TMEM259: variants seen among roughly 807,000 people sequenced by gnomAD.
TMEM259 encodes transmembrane protein 259.
In TMEM259, 26 loss-of-function variants were observed where a neutral mutation model predicts 46.7. The ratio of observed to expected loss-of-function variants is 0.56; its 90% CI spans 0.41 to 0.77. The LOEUF (loss-of-function observed/expected upper bound fraction) is 0.77. Ranked by LOEUF, TMEM259 falls within the 30% of genes least tolerant of loss-of-function variation. The pLI is 0.00. For missense variants in TMEM259, 930 were observed against 900.5 expected (o/e 1.03, Z -0.42); for synonymous variants, 494 against 395.1 (o/e 1.25, Z -2.97).
Position 1,010,791 on chromosome 19 carries a change from G to A in TMEM259, c.1422C>T (p.Thr474=), listed in dbSNP as rs1023696312. Residue 474 remains threonine, a synonymous_variant, in exon 11 of 11, where the codon ACC becomes ACT. Coordinates refer to ENST00000356663, the MANE Select transcript of TMEM259 (RefSeq NM_001033026.2). ...LLQAPPLGPG[T]PTALPDDMNN... ...TCATGTCATCGGGCAGCGCCGTGGG[G>A]GTCCCGGGGCCCAGTGGCGGCGCCT... 5.1e-6 allele frequency: 8 copies of A among 1,569,002 alleles called. No individual in the cohort carries two copies. The highest frequency in any genetic ancestry group is 6.9e-6 in the Non-Finnish European group (8 of 1,166,354).
At chr19:1,014,788 T>C (rs1568405505) in intron 1 of TMEM259, among the ~76,000 whole-genome samples, 1 of 152,130 alleles carries the variant, frequency 6.6e-6, no homozygotes, top group Non-Finnish European at 1.5e-5. Context: ...GCCCCGCACC[T>C]CCTCAGGGGT....
intron 8 of TMEM259, 37 bp from the exon 9 acceptor site, chr19:1,011,536 G>T (rs1478031172): frequency 6.5e-7 from 1 of 1,542,690 alleles, no homozygotes; most frequent in Non-Finnish European, 8.7e-7. Context: ...AGCGGGCGGG[G>T]CGGGGTGCAG....
intron 9 of TMEM259, 31 bp downstream of exon 9, chr19:1,011,336 C>T: frequency 3.2e-6 from 5 of 1,557,074 alleles, no homozygotes; most frequent in African/African-American, 1.4e-5. Context: ...CCACCAGCAC[C>T]CACTCCACCC....
At chr19:1,017,639 A>T (rs908008930) in intron 1 of TMEM259, among the ~76,000 whole-genome samples, 1 of 151,990 alleles carries the variant, frequency 6.6e-6, no homozygotes, top group African/African-American at 2.4e-5. Flanking sequence ...AGCTTCCTGG[A>T]TGTTCTGGCC....
Position 1,013,233 on chromosome 19 carries a change from TG to T in TMEM259, c.607+7del. On this transcript the variant is annotated splice_region_variant and intron_variant, in intron 3 of 10. Transcript: ENST00000356663. ...CGTGAGGCAGTACACCTTTGGTGGG[TG>T]GCCTACCTTTGGTGGGCGTCTCGGG... is the stretch of plus-strand genomic sequence containing the variant. 2 of 1,611,714 alleles carry T rather than the reference TG, an allele frequency of 1.2e-6. No homozygotes were observed. The highest frequency in any genetic ancestry group is 1.7e-6 in the Non-Finnish European group (2 of 1,178,080).
chr19:1,016,867 G>A (rs546747978), intron 1 of TMEM259, among the ~76,000 whole-genome samples: 9 of 152,252 alleles, frequency 5.9e-5, no homozygotes, highest in South Asian at 2.1e-4. Context: ...TGAAGACAGC[G>A]GACGTGATGA....
In TMEM259 at chr19:1,011,979, A is replaced by G; in HGVS notation, c.855T>C (p.Asn285=). The change falls in exon 6 of 11, where the codon AAT becomes AAC. Residue 285 remains asparagine (N), a synonymous_variant. Coordinates refer to ENST00000356663, the MANE Select transcript of TMEM259 (RefSeq NM_001033026.2). ...AGCGGTAGTGCTCGCCCGACACCAC[A>G]TTCCGCAGGAAGCCTGCAGCAGAAG... The part of the protein sequence containing the change: ...ENEENKGFLR[N]VVSGEHYRFV... 1.9e-6 allele frequency: 3 copies of G among 1,611,858 alleles called. No individual in the cohort carries two copies. The highest frequency in any genetic ancestry group is 2.5e-6 in the Non-Finnish European group (3 of 1,179,488).
intron 3 of TMEM259, 144 bp downstream of exon 3, chr19:1,013,097 G>A: frequency 1.5e-6 from 1 of 688,046 alleles, no homozygotes; most frequent in South Asian, 1.8e-5. Flanking sequence ...TGACAGATGG[G>A]GAAATCGAGG....
intron 4 of TMEM259, 70 bp downstream of exon 4, chr19:1,012,393 C>G: frequency 1.3e-6 from 2 of 1,526,278 alleles, no homozygotes; most frequent in Non-Finnish European, 1.8e-6. Context: ...CCCGCACCAG[C>G]AGGAGGAGAC....
At chr19:1,017,902 G>A (rs1048080536) in intron 1 of TMEM259, among the ~76,000 whole-genome samples, 1 of 152,134 alleles carries the variant, frequency 6.6e-6, no homozygotes, top group Non-Finnish European at 1.5e-5. Context: ...CCAGGCCACC[G>A]GGGCCTCTCC....
In TMEM259 at chr19:1,010,358, C is replaced by CCACCTCCGAGGG; in HGVS notation, c.1843_1854dup (p.Pro615_Val618dup). 6.7e-7 allele frequency: 1 copy of CCACCTCCGAGGG among 1,490,704 alleles called. No individual in the cohort carries two copies. 92.3% of individuals were successfully genotyped at this position (1,490,704 alleles called of 1,614,324 possible). A position where few individuals can be genotyped will look rare whatever the true frequency, so the allele number is the denominator to read the frequency against. On this transcript the variant is annotated inframe_insertion, in exon 11 of 11. Coordinates refer to ENST00000356663, the MANE Select transcript of TMEM259 (RefSeq NM_001033026.2). ...CGGCTCAGCTGTGCGGCTCAGGACCCCACCTCCGAGGGCGCCTCCGTTGGG... is the reference window on the plus strand; with the variant it reads ...CGGCTCAGCTGTGCGGCTCAGGACCCCACCTCCGAGGGCACCTCCGAGGGCGCCTCCGTTGGG...
At position 1,011,802 on chromosome 19, in the gene TMEM259, C is replaced by T. The variant is rs771093508; in HGVS notation, c.943-4G>A. 5 of 1,582,034 alleles carry T rather than the reference C, an allele frequency of 3.2e-6. No homozygotes were observed. Among genetic ancestry groups the T allele is most frequent in the Non-Finnish European group, 4.3e-6 (5 of 1,163,668 alleles). Reference sequence around the variant, plus strand: ...GCAGCATGGACACGCTCAGCGTCTGCAAGGGGCGCGCAGGAAGCGCTATGA... The same window carrying T: ...GCAGCATGGACACGCTCAGCGTCTGTAAGGGGCGCGCAGGAAGCGCTATGA... On this transcript the variant is annotated splice_polypyrimidine_tract_variant and splice_region_variant and intron_variant, in intron 6 of 10. Coordinates refer to ENST00000356663, the MANE Select transcript of TMEM259 (RefSeq NM_001033026.2).
At position 1,012,148 on chromosome 19, in the gene TMEM259, G is replaced by A. The variant is rs753525081; in HGVS notation, c.759C>T (p.Arg253=). ...AGCCCAGGAACTCATCCAGCAGCAGGCGGCTGAAGCGGTCCCCGAAGCACT... is the reference window on the plus strand; with the variant it reads ...AGCCCAGGAACTCATCCAGCAGCAGACGGCTGAAGCGGTCCCCGAAGCACT... ...RDQCFGDRFS[R]LLLDEFLGYD... The change falls in exon 5 of 11, where the codon CGC becomes CGT. Residue 253 remains arginine (R), a synonymous_variant. Transcript: ENST00000356663. 3 of 1,608,032 alleles carry A rather than the reference G, an allele frequency of 1.9e-6. No homozygotes were observed. The highest frequency in any genetic ancestry group is 2.5e-6 in the Non-Finnish European group (3 of 1,177,794).
At position 1,009,943 on chromosome 19, in the gene TMEM259, G is replaced by A; in HGVS notation, c.*407C>T. 1 of 321,986 alleles carries A rather than the reference G, an allele frequency of 3.1e-6. No homozygotes were observed. The highest frequency in any genetic ancestry group is 5.7e-6 in the Non-Finnish European group (1 of 176,464). The allele number at this position is 321,986 out of a possible 1,614,324, so 19.9% of individuals were successfully genotyped here. A position where few individuals can be genotyped will look rare whatever the true frequency, so the allele number is the denominator to read the frequency against. On this transcript the variant is annotated 3_prime_UTR_variant, in exon 11 of 11. Transcript: ENST00000356663. ...GAGAAGGCACTGCAGGGAGCACCAG[G>A]CAGAGCCGGGCTGAGGCCGGCCGGC... is the stretch of plus-strand genomic sequence containing the variant.
intron 1 of TMEM259, chr19:1,017,152 G>C: frequency 2.5e-6 from 1 of 398,222 alleles, no homozygotes; most frequent in Non-Finnish European, 4.4e-6. Context: ...CCGAGTCCCG[G>C]GTCCTCCTCC....
At chr19:1,013,012 G>A (rs1401748517) in intron 3 of TMEM259, among the ~76,000 whole-genome samples, 1 of 152,162 alleles carries the variant, frequency 6.6e-6, no homozygotes, top group African/African-American at 2.4e-5. Flanking sequence ...CCAAGTCGCC[G>A]TTCACGAGGA....
Position 1,010,378 on chromosome 19 carries a change from G to A in TMEM259, c.1835C>T (p.Thr612Met), listed in dbSNP as rs1177072044. 7 of 1,504,808 alleles carry A rather than the reference G, an allele frequency of 4.7e-6. No individual in the cohort carries two copies. Among genetic ancestry groups the A allele is most frequent in the East Asian group, 2.4e-5 (1 of 40,822 alleles). 93.2% of individuals were successfully genotyped at this position (1,504,808 alleles called of 1,614,324 possible). Residue 612 changes from threonine (T) to methionine (M), a missense_variant, in exon 11 of 11, where the codon ACG becomes ATG. Thr to Met is a moderately conservative substitution (Grantham distance 81, BLOSUM62 -1). Coordinates refer to ENST00000356663, the MANE Select transcript of TMEM259 (RefSeq NM_001033026.2). The stretch of plus-strand genomic sequence containing the variant: ...GGACCCCACCTCCGAGGGCGCCTCC[G>A]TTGGGGCCATGGAGGCCGGGCTAGG... ...GGPSPASMAP[T>M]EAPSEVGS
At position 1,011,945 on chromosome 19, in the gene TMEM259, T is replaced by G; in HGVS notation, c.889A>C (p.Met297Leu). Residue 297 changes from methionine (M) to leucine (L), a missense_variant, in exon 6 of 11, where the codon ATG becomes CTG. By Grantham distance (15) the Met-to-Leu change is conservative. Coordinates refer to ENST00000356663, the MANE Select transcript of TMEM259 (RefSeq NM_001033026.2). ...VSGEHYRFVS[M>L]WMARTSYLAA... is the part of the protein sequence containing the mutation. ...AGGTAGGACGTCCGCGCCATCCACA[T>G]GCTCACAAAGCGGTAGTGCTCGCCC... 6.2e-7 allele frequency: 1 copy of G among 1,606,852 alleles called. No individual in the cohort carries two copies. The highest frequency in any genetic ancestry group is 8.5e-7 in the Non-Finnish European group (1 of 1,176,714).
Position 1,011,808 on chromosome 19 carries a change from G to T in TMEM259, c.943-10C>A, listed in dbSNP as rs993140126. On this transcript the variant is annotated splice_polypyrimidine_tract_variant and intron_variant, in intron 6 of 10. Transcript: ENST00000356663. ...TGGACACGCTCAGCGTCTGCAAGGGGCGCGCAGGAAGCGCTATGAGGGGCT... is the reference window on the plus strand; with the variant it reads ...TGGACACGCTCAGCGTCTGCAAGGGTCGCGCAGGAAGCGCTATGAGGGGCT... 6.3e-6 allele frequency: 10 copies of T among 1,583,868 alleles called. No individual in the cohort carries two copies. Among genetic ancestry groups the T allele is most frequent in the Non-Finnish European group, 6.9e-6 (8 of 1,164,428 alleles).
Sources: gnomAD v4.1 joint callset for allele counts (sites outside exome capture counted in the v4.1 genomes callset) on GRCh38, gnomAD v4.1.1 for gene constraint, MANE v1.5 for transcripts, NCBI Gene and HGNC (gene_info 2026-07-23, HGNC 2026-07-21) for gene names.